The following CCDC92 variants were observed in gnomAD, a reference collection of about 807,000 sequenced individuals.
The protein encoded by CCDC92 is coiled-coil domain containing 92.
CCDC92 carries 12 observed loss-of-function variants against 24.9 expected under a neutral mutation model. That is an observed-to-expected ratio of 0.48 (90% CI 0.31 to 0.78). The LOEUF (loss-of-function observed/expected upper bound fraction) is 0.78. Ranked by LOEUF, CCDC92 falls within the 30% of genes least tolerant of loss-of-function variation. The pLI is 0.05. For missense variants in CCDC92, 399 were observed against 439.4 expected, an observed-to-expected ratio of 0.91 and a Z score of 0.82; for synonymous variants, 193 against 196.3, an observed-to-expected ratio of 0.98 and a Z score of 0.14.
chr12:123,969,623 C>A (rs377611655), intron 1 of CCDC92, among the ~76,000 whole-genome samples: 1 of 151,868 alleles, frequency 6.6e-6, no homozygotes, highest in Non-Finnish European at 1.5e-5. Context: ...GCCACCACGA[C>A]CAGCTAATTT....
At chr12:123,951,757 G>T (rs560224584) in intron 1 of CCDC92, among the ~76,000 whole-genome samples, 1 of 152,180 alleles carries the variant, frequency 6.6e-6, no homozygotes, top group Non-Finnish European at 1.5e-5. Flanking sequence ...TAGCTTAAGC[G>T]TTGCCATCAA....
intron 1 of CCDC92, among the ~76,000 whole-genome samples, chr12:123,955,684 A>G (rs1220701215): frequency 6.6e-6 from 1 of 151,860 alleles, no homozygotes; most frequent in Non-Finnish European, 1.5e-5. Flanking sequence ...GGGTTTCTCT[A>G]TGTTGCCCAG....
chr12:123,960,240 G>A (rs1472166924), intron 1 of CCDC92, among the ~76,000 whole-genome samples: 1 of 152,112 alleles, frequency 6.6e-6, no homozygotes, highest in Admixed American at 6.5e-5. Context: ...CACATTAGTG[G>A]TGATCTCACT....
At chr12:123,959,594 C>T (rs1025591519) in intron 1 of CCDC92, among the ~76,000 whole-genome samples, 3 of 152,106 alleles carry the variant, frequency 2.0e-5, no homozygotes, top group Admixed American at 6.5e-5. Context: ...TGTGAGCCAC[C>T]GCATGCGGCC....
At chr12:123,970,159 A>G (rs986983389) in intron 1 of CCDC92, 3 of 152,224 alleles carry the variant, frequency 2.0e-5, no homozygotes, top group African/African-American at 2.4e-5. Flanking sequence ...CCAGCATAAG[A>G]AAACAAAAAA....
chr12:123,966,881 TGA>T (rs1956404675), intron 1 of CCDC92, among the ~76,000 whole-genome samples: 1 of 152,170 alleles, frequency 6.6e-6, no homozygotes, highest in East Asian at 1.9e-4. Context: ...CAAAAAGGGA[TGA>T]GACACAAGAA....
rs575564869 is a variant in CCDC92, at chr12:123,943,367, C to T, written c.161G>A (p.Arg54Gln). The change falls in exon 3 of 5, where the codon CGG becomes CAG. Residue 54 changes from arginine to glutamine, a missense_variant. By Grantham distance (43) the Arg-to-Gln change is conservative. Transcript: ENST00000238156. ...TGTACCTGTGCAGTGCTGCTGCAGCCGCCTGATCTCGGAGTGCAGCCCCTT... is the reference window on the plus strand; with the variant it reads ...TGTACCTGTGCAGTGCTGCTGCAGCTGCCTGATCTCGGAGTGCAGCCCCTT... ...TLKGLHSEIR[R>Q]LQQHCTDLTY... 26 of 1,613,710 alleles carry T rather than the reference C, an allele frequency of 1.6e-5. No individual in the cohort carries two copies. Among genetic ancestry groups the T allele is most frequent in the East Asian group, 2.2e-5 (1 of 44,884 alleles).
chr12:123,938,131 C>G (rs1405985581), intron 4 of CCDC92, among the ~76,000 whole-genome samples: 1 of 152,222 alleles, frequency 6.6e-6, no homozygotes, highest in Non-Finnish European at 1.5e-5. Flanking sequence ...CCTCAGCAAA[C>G]ACTTAGGATT....
At chr12:123,960,545 G>C (rs1260871212) in intron 1 of CCDC92, among the ~76,000 whole-genome samples, 2 of 152,128 alleles carry the variant, frequency 1.3e-5, no homozygotes, top group African/African-American at 4.8e-5. Flanking sequence ...CCTGTGACAT[G>C]GCATTGAAGC....
chr12:123,946,382 GC>G (rs992368665), intron 1 of CCDC92: 5 of 152,596 alleles, frequency 3.3e-5, no homozygotes, highest in African/African-American at 1.2e-4. Context: ...CTCCTCCTCT[GC>G]CCAGAACACT....
At chr12:123,947,215 C>T (rs541063251) in intron 1 of CCDC92, among the ~76,000 whole-genome samples, 1 of 152,312 alleles carries the variant, frequency 6.6e-6, no homozygotes, top group Admixed American at 6.5e-5. Context: ...GGCTCGGGAC[C>T]TGCAGCCTGC....
At chr12:123,957,658 A>G (rs956159479) in intron 1 of CCDC92, among the ~76,000 whole-genome samples, 3 of 149,420 alleles carry the variant, frequency 2.0e-5, no homozygotes, top group Non-Finnish European at 4.5e-5. Flanking sequence ...ATTTCTATGC[A>G]CCAGGCTTAC....
intron 1 of CCDC92, among the ~76,000 whole-genome samples, chr12:123,951,031 C>A (rs780748643): frequency 6.6e-6 from 1 of 152,178 alleles, no homozygotes; most frequent in Non-Finnish European, 1.5e-5. Context: ...TGGCCCAGAC[C>A]CCTCCAACAC....
chr12:123,942,935 C>A, intron 3 of CCDC92, 150 bp from the exon 4 acceptor site: 1 of 691,120 alleles, frequency 1.4e-6, no homozygotes, highest in Non-Finnish European at 2.6e-6. Context: ...AGCATGAGAG[C>A]AGCAGAAAAC....
rs1429583142 is a variant in CCDC92, at chr12:123,937,721, C to T, written c.333G>A (p.Gln111=). The part of the protein sequence containing the change: ...ENAELLKELE[Q]KNAMITVLEN... ...CCAGCACTGTGATCATCGCGTTTTT[C>T]TGCTCCAGTTCTTTCAACAACTCAG... The change falls in exon 5 of 5, where the codon CAG becomes CAA. Residue 111 remains glutamine (Q), a synonymous_variant. Coordinates refer to ENST00000238156, the MANE Select transcript of CCDC92 (RefSeq NM_025140.3). The surrounding 1 kb of genome is among the most constrained non-coding windows in gnomAD (Gnocchi z 8.4). 1 of 1,614,058 alleles carries T rather than the reference C, an allele frequency of 6.2e-7. No individual in the cohort carries two copies. Among genetic ancestry groups the T allele is most frequent in the Non-Finnish European group, 8.5e-7 (1 of 1,180,058 alleles).
At chr12:123,971,848 A>C (rs945556450) in intron 1 of CCDC92, 5 of 152,342 alleles carry the variant, frequency 3.3e-5, no homozygotes, top group African/African-American at 7.2e-5. Flanking sequence ...AGTAAACTAA[A>C]GCCGCATCAA....
chr12:123,954,917 T>A (rs1204163050), intron 1 of CCDC92, among the ~76,000 whole-genome samples: 2 of 152,178 alleles, frequency 1.3e-5, no homozygotes, highest in East Asian at 3.9e-4. Flanking sequence ...GCGATGCCCA[T>A]ACAGTGTCAA....
chr12:123,937,951 G>A lies in CCDC92; in HGVS notation c.224-121C>T. ...CTGTCTAGGCTGTGGGGGCCATGCA[G>A]AAGGCAGGGCTGTGGGGGCTCTGGA... On this transcript the variant is annotated intron_variant, in intron 4 of 4. Transcript: ENST00000238156. This position sits in a 1 kb window ranked among gnomAD's most constrained non-coding sequence, Gnocchi z 8.4. 9.9e-7 allele frequency: 1 copy of A among 1,014,102 alleles called. No individual in the cohort carries two copies. Among genetic ancestry groups the A allele is most frequent in the Non-Finnish European group, 1.4e-6 (1 of 695,244 alleles). The allele number at this position is 1,014,102 out of a possible 1,614,324, so 62.8% of individuals were successfully genotyped here.
chr12:123,968,059 T>G (rs1327233835), intron 1 of CCDC92: 1 of 152,260 alleles, frequency 6.6e-6, no homozygotes, highest in African/African-American at 2.4e-5. Context: ...AAAGTTTTCT[T>G]CTGTCGTTTT....
Sources: allele counts gnomAD v4.1 joint callset (sites outside exome capture counted in the v4.1 genomes callset), GRCh38; gene constraint gnomAD v4.1.1; non-coding constraint Gnocchi (gnomAD v3.1); transcripts MANE v1.5; gene names NCBI Gene and HGNC (gene_info 2026-07-23, HGNC 2026-07-21).